GRIK4: variants seen among roughly 807,000 people sequenced by gnomAD.
The protein encoded by GRIK4 is glutamate ionotropic receptor kainate type subunit 4, also known as glutamate receptor ionotropic, kainate 4.
A neutral mutation model predicts 104.9 loss-of-function variants in GRIK4; 40 were observed. The observed-to-expected ratio is 0.38, with a 90% CI of 0.30 to 0.50. The LOEUF is 0.50. Among genes scored for constraint, GRIK4 ranks in the 20% least tolerant of loss-of-function variants. The pLI, the probability that GRIK4 is intolerant of heterozygous loss-of-function variation, is 0.93. For synonymous variants in GRIK4, 485 were observed against 524.9 expected (o/e 0.92, Z 1.04); for missense variants, 1,047 against 1,308.1 (o/e 0.80, Z 3.08).
chr11:120,629,051 C>T (rs572552322), intron 1 of GRIK4, among the ~76,000 whole-genome samples: 3 of 152,114 alleles, frequency 2.0e-5, no homozygotes, highest in East Asian at 3.9e-4. Context: ...GCTGATGGAG[C>T]GGCACAGCCA....
intron 9 of GRIK4, chr11:120,871,755 A>G (rs942544986): frequency 8.8e-6 from 4 of 456,270 alleles, no homozygotes; most frequent in Admixed American, 2.4e-5. Context: ...AAAAGTGGGA[A>G]TAAAGCAAAG....
At chr11:120,868,276 C>A (rs974852218) in intron 9 of GRIK4, 1 of 152,022 alleles carries the variant, frequency 6.6e-6, no homozygotes, top group Non-Finnish European at 1.5e-5. Flanking sequence ...AAGAAAATAA[C>A]AATGAAGAAC....
chr11:120,804,212 C>G (rs1952673130), intron 4 of GRIK4, among the ~76,000 whole-genome samples: 1 of 152,190 alleles, frequency 6.6e-6, no homozygotes, highest in Admixed American at 6.5e-5. Flanking sequence ...CCTTTCTAAC[C>G]CGTTTCAACC....
intron 1 of GRIK4, among the ~76,000 whole-genome samples, chr11:120,590,738 C>T (rs1948723219): frequency 6.6e-6 from 1 of 152,136 alleles, no homozygotes; most frequent in Non-Finnish European, 1.5e-5. Flanking sequence ...GCCACAGGGT[C>T]CTTGCCTCTA....
rs927446885 is a variant in GRIK4 at position 120,524,692 on chromosome 11, T to C, written c.-159+12805T>C. ...CAGGCTGTGGGCACTGCAGCTGCCATGAGTCAGGAGGAGGCTCTGGGAACA... is the reference window on the plus strand; with the variant it reads ...CAGGCTGTGGGCACTGCAGCTGCCACGAGTCAGGAGGAGGCTCTGGGAACA... On this transcript the variant is annotated intron_variant, in intron 1 of 20. Coordinates refer to ENST00000527524, the MANE Select transcript of GRIK4 (RefSeq NM_014619.5). This position sits in a 1 kb window ranked among gnomAD's most constrained non-coding sequence, Gnocchi z 4.5. 6.6e-6 allele frequency among the ~76,000 whole-genome samples: 1 copy of C among 152,182 alleles called. No individual in the cohort carries two copies. The highest frequency in any genetic ancestry group is 1.5e-5 in the Non-Finnish European group (1 of 68,044).
rs920578010 is a variant in GRIK4, at chr11:120,871,682, A to G, written c.907-2384A>G. ...GCCGAGGGCAGTGGCCTGATCCAGT[A>G]TCTCTGTGGAGAGTGGGAAGGTGTT... On this transcript the variant is annotated intron_variant, in intron 9 of 20. Coordinates refer to ENST00000527524, the MANE Select transcript of GRIK4 (RefSeq NM_014619.5). 10 of 456,256 alleles carry G rather than the reference A, an allele frequency of 2.2e-5. 1 individual carries two copies. Among genetic ancestry groups the G allele is most frequent in the South Asian group, 1.2e-4 (8 of 64,554 alleles). 28.3% of individuals were successfully genotyped at this position (456,256 alleles called of 1,614,324 possible).
At chr11:120,926,219 C>T (rs1943342845) in intron 13 of GRIK4, among the ~76,000 whole-genome samples, 1 of 152,162 alleles carries the variant, frequency 6.6e-6, no homozygotes, top group South Asian at 2.1e-4. Flanking sequence ...TTCTCTTTCA[C>T]ACCTCAACTA....
chr11:120,542,572 A>G (rs1461491041), intron 1 of GRIK4, among the ~76,000 whole-genome samples: 1 of 152,252 alleles, frequency 6.6e-6, no homozygotes, highest in African/African-American at 2.4e-5. Context: ...AGGGATTAAC[A>G]TCCAAAATAT....
chr11:120,816,820 T>C (rs7124930), intron 5 of GRIK4, among the ~76,000 whole-genome samples: 72,555 of 151,872 alleles, frequency 0.48, 18,122 homozygotes, highest in African/African-American at 0.63. Context: ...CTGTAGGCTG[T>C]ACCCTTGAGC....
chr11:120,693,171 C>T (rs895773305), intron 3 of GRIK4, among the ~76,000 whole-genome samples: 2 of 152,024 alleles, frequency 1.3e-5, no homozygotes, highest in East Asian at 3.8e-4. Context: ...GTGGTGCAAT[C>T]TTGGCTTACT....
chr11:120,784,278 G>A (rs1193443239), intron 3 of GRIK4, among the ~76,000 whole-genome samples: 2 of 152,120 alleles, frequency 1.3e-5, no homozygotes, highest in East Asian at 3.9e-4. Flanking sequence ...TCCTTCCCTG[G>A]GGGATGATGA....
At chr11:120,655,184 T>C (rs1458325394) in intron 2 of GRIK4, among the ~76,000 whole-genome samples, 1 of 151,636 alleles carries the variant, frequency 6.6e-6, no homozygotes, top group Non-Finnish European at 1.5e-5. Context: ...CAGTGAGGCA[T>C]GTTAGGGTAT....
chr11:120,736,077 A>G (rs914624640), intron 3 of GRIK4, among the ~76,000 whole-genome samples: 1 of 152,056 alleles, frequency 6.6e-6, no homozygotes, highest in Non-Finnish European at 1.5e-5. Context: ...AGTCTCACCC[A>G]AGGCCCATGG....
intron 3 of GRIK4, among the ~76,000 whole-genome samples, chr11:120,763,944 T>G (rs894025655): frequency 6.6e-6 from 1 of 152,192 alleles, no homozygotes; most frequent in Non-Finnish European, 1.5e-5. Context: ...GAGAGTTCTG[T>G]AGGTGGCTGT....
chr11:120,776,976 GGAGCTAC>G, intron 3 of GRIK4, among the ~76,000 whole-genome samples: 1 of 152,134 alleles, frequency 6.6e-6, no homozygotes. Context: ...TTGTGTTCAG[GGAGCTAC>G]GAGGGGGGTG....
In GRIK4 at chr11:120,524,052, G is replaced by A. The variant is rs546656651; in HGVS notation, c.-159+12165G>A. 1.3e-5 allele frequency among the ~76,000 whole-genome samples: 2 copies of A among 151,460 alleles called. No homozygotes were observed. Among genetic ancestry groups the A allele is most frequent in the Admixed American group, 6.6e-5 (1 of 15,188 alleles). On this transcript the variant is annotated intron_variant, in intron 1 of 20. Transcript: ENST00000527524. The surrounding 1 kb of genome is among the most constrained non-coding windows in gnomAD (Gnocchi z 4.5). ...AGTGATTCCCCTGCCTCAGCCTCCCGAGTAGCTGGGACTACAGGCGCACAC... is the reference window on the plus strand; with the variant it reads ...AGTGATTCCCCTGCCTCAGCCTCCCAAGTAGCTGGGACTACAGGCGCACAC...
chr11:120,540,311 C>A (rs1161754316), intron 1 of GRIK4, among the ~76,000 whole-genome samples: 1 of 152,190 alleles, frequency 6.6e-6, no homozygotes, highest in Non-Finnish European at 1.5e-5. Context: ...TCCTTAGGAT[C>A]CTCATGGGAG....
intron 11 of GRIK4, among the ~76,000 whole-genome samples, chr11:120,879,260 G>T (rs1433383846): frequency 1.3e-5 from 2 of 152,232 alleles, no homozygotes; most frequent in Non-Finnish European, 2.9e-5. Context: ...AGCCAGGTCT[G>T]TTGGTCTGCT....
intron 13 of GRIK4, among the ~76,000 whole-genome samples, chr11:120,915,868 G>A (rs569911117): frequency 6.6e-4 from 101 of 152,212 alleles, no homozygotes; most frequent in Non-Finnish European, 1.2e-3. Flanking sequence ...TGAGGGCACA[G>A]AGGCTTGGAG....
Sources: allele counts gnomAD v4.1 joint callset (sites outside exome capture counted in the v4.1 genomes callset), GRCh38; gene constraint gnomAD v4.1.1; non-coding constraint Gnocchi (gnomAD v3.1); transcripts MANE v1.5; gene names NCBI Gene and HGNC (gene_info 2026-07-23, HGNC 2026-07-21).